Variants in STPG2 observed in about 807,000 individuals in gnomAD.
STPG2 encodes the protein sperm tail PG-rich repeat containing 2, also known as sperm-tail PG-rich repeat-containing protein 2.
In STPG2, 56 loss-of-function variants were observed where a neutral mutation model predicts 54.2. The ratio of observed to expected loss-of-function variants is 1.03; its 90% CI spans 0.83 to 1.29. STPG2 has a LOEUF of 1.29. Ranked by LOEUF, STPG2 falls within the 50% of genes most tolerant of loss-of-function variation. The probability of loss-of-function intolerance (pLI) is 0.00; values close to 1 mark genes in which losing one functional copy is unlikely to be tolerated. For synonymous variants in STPG2, 200 were observed against 181.8 expected (o/e 1.10, Z -0.81); for missense variants, 596 against 544.9 (o/e 1.09, Z -0.93).
chr4:98,050,000 G>A (rs1737266054), intron 5 of STPG2, among the ~76,000 whole-genome samples: 1 of 152,040 alleles, frequency 6.6e-6, no homozygotes, highest in East Asian at 1.9e-4. Context: ...AAATTCAAGA[G>A]AATAATAAAC....
At chr4:97,871,206 ATAAAT>A (rs1236008615) in intron 8 of STPG2, among the ~76,000 whole-genome samples, 4 of 151,160 alleles carry the variant, frequency 2.6e-5, no homozygotes, top group African/African-American at 9.7e-5. Flanking sequence ...AATAATAAAA[ATAAAT>A]TAAATTCTCA....
chr4:97,635,857 G>A (rs920342229), intron 10 of STPG2, among the ~76,000 whole-genome samples: 14 of 151,532 alleles, frequency 9.2e-5, no homozygotes, highest in Middle Eastern at 3.4e-3. Context: ...CTGAGTGACC[G>A]ACAAAGAGAC....
intron 8 of STPG2, among the ~76,000 whole-genome samples, chr4:97,873,746 C>A (rs1730075334): frequency 1.3e-5 from 2 of 151,398 alleles, no homozygotes; most frequent in East Asian, 3.9e-4. Context: ...TACTCCAGTG[C>A]CCTTACCATG....
chr4:97,629,956 G>A (rs1472120237), intron 10 of STPG2, among the ~76,000 whole-genome samples: 36 of 151,884 alleles, frequency 2.4e-4, no homozygotes, highest in Non-Finnish European at 1.5e-5. Flanking sequence ...ATATCAAACT[G>A]TTAATCAGAC....
intron 4 of STPG2, among the ~76,000 whole-genome samples, chr4:97,453,126 A>C (rs1422838313): frequency 1.3e-5 from 2 of 152,164 alleles, no homozygotes; most frequent in African/African-American, 4.8e-5. Context: ...GAGCTCCCTG[A>C]GCCAGGGCTG....
intron 7 of STPG2, among the ~76,000 whole-genome samples, chr4:97,969,993 C>G (rs1734264499): frequency 6.6e-6 from 1 of 152,168 alleles, no homozygotes; most frequent in African/African-American, 2.4e-5. Context: ...ACAAAAATCA[C>G]AAGCATTCTT....
intron 9 of STPG2, among the ~76,000 whole-genome samples, chr4:97,808,332 TAAAC>T (rs556663378): frequency 5.3e-5 from 8 of 151,872 alleles, no homozygotes; most frequent in Non-Finnish European, 8.8e-5. Context: ...AGGAAAACGA[TAAAC>T]AAAATTAAAA....
At chr4:97,905,529 T>C (rs1731373354) in intron 8 of STPG2, among the ~76,000 whole-genome samples, 1 of 150,280 alleles carries the variant, frequency 6.7e-6, no homozygotes, top group African/African-American at 2.5e-5. Flanking sequence ...CCATCGAGAC[T>C]AGGAAGAAAC....
chr4:98,015,260 G>A (rs1401926622), intron 5 of STPG2, among the ~76,000 whole-genome samples: 2 of 152,174 alleles, frequency 1.3e-5, no homozygotes, highest in East Asian at 3.9e-4. Flanking sequence ...TATCATCAGA[G>A]TGAACAGGCA....
intron 10 of STPG2, among the ~76,000 whole-genome samples, chr4:97,605,303 A>C (rs976489206): frequency 6.6e-6 from 1 of 151,838 alleles, no homozygotes; most frequent in African/African-American, 2.4e-5. Context: ...ATTTACATAA[A>C]GTACTTCAAT....
chr4:97,493,935 T>A (rs1185561738), intron 4 of STPG2, among the ~76,000 whole-genome samples: 2 of 151,568 alleles, frequency 1.3e-5, no homozygotes, highest in Non-Finnish European at 3.0e-5. Context: ...TGAAATCCTT[T>A]GATAAGTTGT....
At chr4:97,539,018 G>C (rs1422106554) in intron 4 of STPG2, among the ~76,000 whole-genome samples, 1 of 152,170 alleles carries the variant, frequency 6.6e-6, no homozygotes, top group Non-Finnish European at 1.5e-5. Context: ...CACCAGGCCT[G>C]TCCTACAAGA....
intron 5 of STPG2, among the ~76,000 whole-genome samples, chr4:98,056,851 C>T (rs1255398828): frequency 1.3e-5 from 2 of 152,092 alleles, no homozygotes; most frequent in Non-Finnish European, 2.9e-5. Flanking sequence ...TCTTTACTCT[C>T]TCTCTCTCCC....
At chr4:97,509,010 T>C (rs1730911579) in intron 4 of STPG2, among the ~76,000 whole-genome samples, 1 of 152,124 alleles carries the variant, frequency 6.6e-6, no homozygotes. Flanking sequence ...CATTTTCCTA[T>C]TTTCCTATTG....
chr4:98,106,763 A>G (rs1160624523), intron 4 of STPG2, among the ~76,000 whole-genome samples: 3 of 152,192 alleles, frequency 2.0e-5, no homozygotes, highest in Non-Finnish European at 2.9e-5. Context: ...TAGACAATAT[A>G]TGTAAGGTGG....
At chr4:98,011,338 AT>A (rs1187073265) in intron 5 of STPG2, among the ~76,000 whole-genome samples, 5 of 151,972 alleles carry the variant, frequency 3.3e-5, no homozygotes, top group Admixed American at 3.3e-4. Flanking sequence ...TATGTGCCAC[AT>A]TTTTTTTATC....
chr4:97,912,673 C>T (rs1731725131), intron 8 of STPG2, among the ~76,000 whole-genome samples: 1 of 152,092 alleles, frequency 6.6e-6, no homozygotes, highest in African/African-American at 2.4e-5. Context: ...ACAAAGCCTC[C>T]AAGAAATTTG....
chr4:97,736,464 G>A (rs1006729468), intron 9 of STPG2, among the ~76,000 whole-genome samples: 7 of 152,194 alleles, frequency 4.6e-5, no homozygotes, highest in African/African-American at 1.7e-4. Context: ...GTCAAAGAAA[G>A]GGGTGACAGA....
At chr4:97,823,702 A>G (rs1480659146) in intron 9 of STPG2, among the ~76,000 whole-genome samples, 1 of 152,182 alleles carries the variant, frequency 6.6e-6, no homozygotes, top group Non-Finnish European at 1.5e-5. Context: ...AAGGGATGAT[A>G]CTGAAGAGAC....
Sources: allele counts gnomAD v4.1 joint callset (sites outside exome capture counted in the v4.1 genomes callset), GRCh38; gene constraint gnomAD v4.1.1; transcripts MANE v1.5; gene names NCBI Gene and HGNC (gene_info 2026-07-23, HGNC 2026-07-21).